Variants in MGST2 observed in about 807,000 individuals in gnomAD.
MGST2 encodes glutathione peroxidase MGST2.
MGST2 carries 9 observed loss-of-function variants against 16.6 expected under a neutral mutation model. That is an observed-to-expected ratio of 0.54 (90% CI 0.33 to 0.95). The LOEUF is 0.95. Ranked by LOEUF, MGST2 falls within the 40% of genes least tolerant of loss-of-function variation. The pLI is 0.03. For missense variants in MGST2, 159 were observed against 175.1 expected (o/e 0.91, Z 0.52); for synonymous variants, 79 against 68.0 (o/e 1.16, Z -0.79).
the MGST2 span, among the ~76,000 whole-genome samples, chr4:139,749,515 T>C: frequency 6.6e-6 from 1 of 152,144 alleles, no homozygotes; most frequent in Non-Finnish European, 1.5e-5. Flanking sequence ...CAACAGGAAC[T>C]ATTTCCTTTG....
rs192092865 is a variant in MGST2, at chr4:139,709,371, T to C, written c.*48+5175T>C. Among the ~76,000 whole-genome samples the C allele has an allele frequency of 7.9e-5, 12 of 152,104 alleles. No individual in the cohort carries two copies. The East Asian group carries it at 1.4e-3, about 17-fold the overall frequency. On this transcript the variant is annotated intron_variant, in intron 5 of 5. Transcript: ENST00000616265. ...GTGCTGGGATTACAGGTGTGAGCCATCACGCCCGGCCAGACAATGGAAACA... is the reference window on the plus strand; with the variant it reads ...GTGCTGGGATTACAGGTGTGAGCCACCACGCCCGGCCAGACAATGGAAACA...
intron 1 of MGST2, among the ~76,000 whole-genome samples, chr4:139,673,954 A>G (rs1333111460): frequency 2.0e-5 from 3 of 152,224 alleles, no homozygotes; most frequent in Admixed American, 6.5e-5. Context: ...AAAAGGCAGG[A>G]TATCTTGACA....
At chr4:139,676,196 T>A (rs1383565879) in intron 1 of MGST2, among the ~76,000 whole-genome samples, 3 of 152,206 alleles carry the variant, frequency 2.0e-5, no homozygotes, top group Non-Finnish European at 4.4e-5. Context: ...TTCAGCATAA[T>A]TATTTTGAGA....
intron 3 of MGST2, among the ~76,000 whole-genome samples, chr4:139,701,982 C>T (rs534940594): frequency 6.9e-6 from 1 of 145,832 alleles, no homozygotes; most frequent in East Asian, 2.0e-4. Flanking sequence ...AAAAAAAAAT[C>T]ATGCGGCCAA....
At chr4:139,752,987 G>A in the MGST2 span, among the ~76,000 whole-genome samples, 1 of 152,148 alleles carries the variant, frequency 6.6e-6, no homozygotes, top group African/African-American at 2.4e-5. Context: ...AAGATAATAG[G>A]AGGATACAAT....
At chr4:139,724,767 T>G (rs1579361390) in intron 5 of MGST2, among the ~76,000 whole-genome samples, 1 of 138,192 alleles carries the variant, frequency 7.2e-6, no homozygotes, top group Non-Finnish European at 1.6e-5. Context: ...TATAAGACCC[T>G]CAAGGGTCTT....
At chr4:139,709,228 G>A (rs1043303095), downstream of MGST2, among the ~76,000 whole-genome samples, 5 of 151,630 alleles carry the variant, frequency 3.3e-5, no homozygotes, top group East Asian at 3.9e-4. Context: ...GACTAGAGGC[G>A]CCCGCCACCA....
At chr4:139,753,559 T>A in the MGST2 span, among the ~76,000 whole-genome samples, 1 of 152,136 alleles carries the variant, frequency 6.6e-6, no homozygotes. Flanking sequence ...AGTCTAAAAC[T>A]ACCATGAAAA....
chr4:139,721,081 G>A (rs1056579561), intron 5 of MGST2, among the ~76,000 whole-genome samples: 11 of 152,162 alleles, frequency 7.2e-5, no homozygotes, highest in Non-Finnish European at 1.3e-4. Flanking sequence ...CCTGCTACGT[G>A]CGACTTGGCC....
At chr4:139,695,072 TA>T in intron 2 of MGST2, 124 bp from the exon 3 acceptor site, 1 of 701,382 alleles carries the variant, frequency 1.4e-6, no homozygotes, top group Non-Finnish European at 2.5e-6. Context: ...AAAGGTCATT[TA>T]AACTCTTTTG....
At chr4:139,704,641 G>A (rs1192818409), downstream of MGST2, among the ~76,000 whole-genome samples, 1 of 152,194 alleles carries the variant, frequency 6.6e-6, no homozygotes, top group Non-Finnish European at 1.5e-5. Flanking sequence ...GGTTATAGAA[G>A]GCTGGGCGTG....
chr4:139,684,652 G>C (rs892303579), intron 2 of MGST2, among the ~76,000 whole-genome samples: 2 of 152,138 alleles, frequency 1.3e-5, no homozygotes, highest in Non-Finnish European at 2.9e-5. Flanking sequence ...GTACCACTTA[G>C]TTTCTCTAGA....
At chr4:139,745,378 A>G (rs1172144149), downstream of MGST2, among the ~76,000 whole-genome samples, 1 of 152,214 alleles carries the variant, frequency 6.6e-6, no homozygotes, top group Admixed American at 6.5e-5. Context: ...AGCTAGTGTC[A>G]GATTAGAACA....
chr4:139,727,777 TAAGATCCC>T (rs983854341), intron 5 of MGST2, among the ~76,000 whole-genome samples: 21 of 152,238 alleles, frequency 1.4e-4, no homozygotes, highest in African/African-American at 2.4e-5. Context: ...CCAAAATATG[TAAGATCCC>T]AAATCCTTCT....
At chr4:139,709,846 C>T (rs1727672924) in intron 5 of MGST2, among the ~76,000 whole-genome samples, 1 of 152,052 alleles carries the variant, frequency 6.6e-6, no homozygotes, top group South Asian at 2.1e-4. Context: ...ATGCCTGGGC[C>T]CCACATGTGT....
chr4:139,736,325 A>C (rs759630994), intron 5 of MGST2, among the ~76,000 whole-genome samples: 2 of 152,234 alleles, frequency 1.3e-5, no homozygotes, highest in Non-Finnish European at 2.9e-5. Flanking sequence ...AGGCGAAAGT[A>C]TGTATCAGAG....
At chr4:139,702,645 A>G (rs1727311448) in intron 3 of MGST2, among the ~76,000 whole-genome samples, 1 of 152,046 alleles carries the variant, frequency 6.6e-6, no homozygotes, top group African/African-American at 2.4e-5. Flanking sequence ...ACATTCTTAA[A>G]CAAGTCCTTT....
chr4:139,672,799 C>T (rs1158844793), intron 1 of MGST2, among the ~76,000 whole-genome samples: 2 of 152,156 alleles, frequency 1.3e-5, no homozygotes, highest in African/African-American at 2.4e-5. Flanking sequence ...GATCCACTAG[C>T]CTCAGCCTCC....
chr4:139,742,231 C>T (rs1267277881), downstream of MGST2, among the ~76,000 whole-genome samples: 1 of 151,424 alleles, frequency 6.6e-6, no homozygotes, highest in Non-Finnish European at 1.5e-5. Flanking sequence ...TCACTGCAAC[C>T]TCCGCCTCCC....
Sources: allele counts gnomAD v4.1 joint callset (sites outside exome capture counted in the v4.1 genomes callset), GRCh38; gene constraint gnomAD v4.1.1; transcripts MANE v1.5; gene names NCBI Gene and HGNC (gene_info 2026-07-23, HGNC 2026-07-21).